CCT7: variants seen among roughly 807,000 people sequenced by gnomAD.
CCT7 encodes the protein chaperonin containing TCP1 subunit 7.
In CCT7, 16 loss-of-function variants were observed where a neutral mutation model predicts 56.6. The observed-to-expected ratio is 0.28, with a 90% CI of 0.19 to 0.43. The LOEUF (loss-of-function observed/expected upper bound fraction) is 0.43, where lower values mean the gene tolerates loss of function less well. CCT7 is among the 20% of genes least tolerant of loss of function. The pLI, the probability that CCT7 is intolerant of heterozygous loss-of-function variation, is 1.00. For missense variants in CCT7, 519 were observed against 685.6 expected (o/e 0.76, Z 2.71); for synonymous variants, 262 against 254.8 (o/e 1.03, Z -0.27).
intron 7 of CCT7, 102 bp downstream of exon 7, chr2:73,248,028 C>A: frequency 2.0e-6 from 2 of 1,000,784 alleles, no homozygotes; most frequent in Non-Finnish European, 3.0e-6. Context: ...TCTTCCTGCC[C>A]CCCTGAATAT....
chr2:73,239,540 A>T, intron 1 of CCT7, 103 bp from the exon 2 acceptor site: 1 of 1,056,936 alleles, frequency 9.5e-7, no homozygotes, highest in Non-Finnish European at 1.4e-6. Flanking sequence ...GAAGACCTCT[A>T]GATAATTCTG....
intron 11 of CCT7, among the ~76,000 whole-genome samples, chr2:73,252,328 T>TAA (rs1409080891): frequency 7.0e-6 from 1 of 142,714 alleles, no homozygotes; most frequent in African/African-American, 2.7e-5. Flanking sequence ...TTGTTTGATA[T>TAA]ATATATATAT....
intron 4 of CCT7, among the ~76,000 whole-genome samples, chr2:73,243,693 C>T (rs534963938): frequency 6.6e-6 from 1 of 152,186 alleles, no homozygotes; most frequent in South Asian, 2.1e-4. Flanking sequence ...GGCTTAATCT[C>T]GTGTCACAGC....
intron 6 of CCT7, among the ~76,000 whole-genome samples, chr2:73,246,871 A>C (rs1687363257): frequency 6.6e-6 from 1 of 152,204 alleles, no homozygotes; most frequent in South Asian, 2.1e-4. Context: ...CTGGGGACAG[A>C]TACTCTTCAC....
chr2:73,250,717 G>C (rs963684766), intron 10 of CCT7, among the ~76,000 whole-genome samples: 5 of 151,968 alleles, frequency 3.3e-5, no homozygotes, highest in African/African-American at 1.2e-4. Flanking sequence ...TGGGAGGGTT[G>C]CATAAGACCA....
intron 11 of CCT7, 130 bp from the exon 12 acceptor site, chr2:73,252,510 A>G (rs1687638208): frequency 2.9e-6 from 2 of 692,894 alleles, no homozygotes; most frequent in African/African-American, 1.8e-5. Context: ...AAGATGCAGT[A>G]TTCTTCAGCG....
intron 2 of CCT7, 33 bp downstream of exon 2, chr2:73,239,829 A>G (rs370888267): frequency 1.2e-4 from 194 of 1,605,138 alleles, no homozygotes; most frequent in Non-Finnish European, 1.6e-4. Flanking sequence ...GCCTGTGTGC[A>G]GGAAAGGAGG....
At chr2:73,248,203 TC>T (rs1375755935) in intron 7 of CCT7, among the ~76,000 whole-genome samples, 1 of 152,120 alleles carries the variant, frequency 6.6e-6, no homozygotes, top group African/African-American at 2.4e-5. Context: ...GTATTTTGGT[TC>T]CTCTTGTTGG....
chr2:73,247,192 G>C (rs1304671807), intron 6 of CCT7, among the ~76,000 whole-genome samples: 2 of 152,276 alleles, frequency 1.3e-5, no homozygotes, highest in East Asian at 3.9e-4. Flanking sequence ...ATTATGCAGG[G>C]GATTTCTGAT....
chr2:73,246,431 C>T (rs1197684909), intron 6 of CCT7, among the ~76,000 whole-genome samples: 1 of 152,214 alleles, frequency 6.6e-6, no homozygotes, highest in Non-Finnish European at 1.5e-5. Flanking sequence ...CTCGTGATTT[C>T]CTAATTATTT....
intron 1 of CCT7, 126 bp from the exon 2 acceptor site, chr2:73,239,517 G>A (rs981040167): frequency 1.3e-6 from 1 of 799,474 alleles, no homozygotes. Flanking sequence ...ACAGTTGGGG[G>A]AATGTGGTTT....
chr2:73,237,925 T>A (rs970670783), intron 1 of CCT7, among the ~76,000 whole-genome samples: 7 of 152,136 alleles, frequency 4.6e-5, no homozygotes, highest in African/African-American at 7.2e-5. Context: ...TGGTACCTCA[T>A]GCATTGCGGT....
intron 3 of CCT7, among the ~76,000 whole-genome samples, chr2:73,241,290 TA>T (rs1284726328): frequency 1.3e-5 from 2 of 152,118 alleles, no homozygotes; most frequent in Non-Finnish European, 2.9e-5. Context: ...ATAGCATATA[TA>T]AAATTAAAGA....
chr2:73,251,802 G>C (rs1002888235), intron 11 of CCT7, among the ~76,000 whole-genome samples: 3 of 152,304 alleles, frequency 2.0e-5, no homozygotes, highest in South Asian at 4.1e-4. Context: ...AGCCAGGCGT[G>C]GTGGTGGGCA....
chr2:73,248,166 G>C (rs904432717), intron 7 of CCT7, among the ~76,000 whole-genome samples: 2 of 152,108 alleles, frequency 1.3e-5, no homozygotes, highest in Non-Finnish European at 2.9e-5. Context: ...GGGATGGCAG[G>C]GACTCTCTAG....
rs117056065 is a variant in CCT7, at chr2:73,235,116, A to G, written c.6+732A>G. ...ATAAGAAAGGCTTTTCTAGTTGGCTACCTAACTCTGGGTCTCGTTTTCTTG... is the reference window on the plus strand; with the variant it reads ...ATAAGAAAGGCTTTTCTAGTTGGCTGCCTAACTCTGGGTCTCGTTTTCTTG... On this transcript the variant is annotated intron_variant, in intron 1 of 11. Coordinates refer to ENST00000258091, the MANE Select transcript of CCT7 (RefSeq NM_006429.4). 3.0e-3 allele frequency among the ~76,000 whole-genome samples: 460 copies of G among 152,276 alleles called. 7 individuals carry two copies. Among genetic ancestry groups the G allele is most frequent in the East Asian group, 0.018 (91 of 5,180 alleles).
intron 1 of CCT7, among the ~76,000 whole-genome samples, chr2:73,236,087 G>A (rs1686869464): frequency 6.6e-6 from 1 of 152,152 alleles, no homozygotes; most frequent in Non-Finnish European, 1.5e-5. Flanking sequence ...TTCTGTAATC[G>A]AAAGAGAGGT....
chr2:73,252,542 GTC>G (rs1687639796), intron 11 of CCT7, 96 bp from the exon 12 acceptor site: 3 of 900,204 alleles, frequency 3.3e-6, no homozygotes, highest in Admixed American at 4.1e-5. Flanking sequence ...AGTTCAGAGA[GTC>G]TGCGGGTTCC....
chr2:73,250,151 C>G (rs1687512331), intron 9 of CCT7, among the ~76,000 whole-genome samples, 155 bp from the exon 10 acceptor site: 1 of 152,118 alleles, frequency 6.6e-6, no homozygotes, highest in African/African-American at 2.4e-5. Flanking sequence ...AGCTGCAGAC[C>G]TTTCCAAGAA....
Sources: allele counts gnomAD v4.1 joint callset (sites outside exome capture counted in the v4.1 genomes callset), GRCh38; gene constraint gnomAD v4.1.1; transcripts MANE v1.5; gene names NCBI Gene and HGNC (gene_info 2026-07-23, HGNC 2026-07-21).